The following TNFRSF10C variants were observed in gnomAD, a reference collection of about 807,000 sequenced individuals.
TNFRSF10C encodes the protein tumor necrosis factor receptor superfamily member 10C.
A neutral mutation model predicts 16.7 loss-of-function variants in TNFRSF10C; 17 were observed. That is an observed-to-expected ratio of 1.02 (90% CI 0.70 to 1.53). TNFRSF10C has a LOEUF of 1.53. TNFRSF10C is among the 40% of genes most tolerant of loss of function. The pLI, the probability that TNFRSF10C is intolerant of heterozygous loss-of-function variation, is 0.00. For synonymous variants in TNFRSF10C, 73 were observed against 119.7 expected, an observed-to-expected ratio of 0.61 and a Z score of 2.55; for missense variants, 237 against 329.7, an observed-to-expected ratio of 0.72 and a Z score of 2.18.
At chr8:23,106,486 A>G (rs1813779695) in intron 1 of TNFRSF10C, among the ~76,000 whole-genome samples, 1 of 147,370 alleles carries the variant, frequency 6.8e-6, no homozygotes, top group Non-Finnish European at 1.5e-5. Flanking sequence ...AGAGAGGTCC[A>G]CAGGAGACAA....
rs188420928 is a variant in TNFRSF10C, at chr8:23,106,665, T to C, written c.60+3484T>C. ...CTAACATGGTCTGCACAGTACCCTC[T>C]TGGCCTCGACTTCTCATCCTTAAAA... On this transcript the variant is annotated intron_variant, in intron 1 of 4. Coordinates refer to ENST00000356864, the MANE Select transcript of TNFRSF10C (RefSeq NM_003841.5). 1.1e-3 allele frequency among the ~76,000 whole-genome samples: 160 copies of C among 152,320 alleles called. 3 individuals are homozygous for C. In the South Asian group the frequency reaches 0.029, roughly 27 times the overall value.
At chr8:23,114,514 T>C in intron 2 of TNFRSF10C, 143 bp from the exon 3 acceptor site, 1 of 628,432 alleles carries the variant, frequency 1.6e-6, no homozygotes, top group South Asian at 1.9e-5. Flanking sequence ...TAATAGATGC[T>C]GAATGGATGA....
chr8:23,107,773 T>A (rs1813804832), intron 1 of TNFRSF10C, among the ~76,000 whole-genome samples: 1 of 152,222 alleles, frequency 6.6e-6, no homozygotes, highest in Non-Finnish European at 1.5e-5. Flanking sequence ...GTAAATCCAC[T>A]GAGCACTACA....
chr8:23,106,021 G>A (rs936924619), intron 1 of TNFRSF10C, among the ~76,000 whole-genome samples: 5 of 152,142 alleles, frequency 3.3e-5, no homozygotes, highest in East Asian at 1.9e-4. Context: ...CCTGTCCTTC[G>A]GCCTTGAGCT....
intron 1 of TNFRSF10C, among the ~76,000 whole-genome samples, chr8:23,107,922 G>A (rs1360281753): frequency 6.6e-6 from 1 of 152,206 alleles, no homozygotes; most frequent in African/African-American, 2.4e-5. Flanking sequence ...ACCATGCAGA[G>A]TGTAAGGCCA....
At chr8:23,106,188 G>A (rs535432431) in intron 1 of TNFRSF10C, among the ~76,000 whole-genome samples, 43 of 140,946 alleles carry the variant, frequency 3.1e-4, no homozygotes, top group Non-Finnish European at 5.6e-4. Flanking sequence ...CCTGGAGCCC[G>A]CAGTGTGGTG....
intron 1 of TNFRSF10C, among the ~76,000 whole-genome samples, chr8:23,108,937 C>G (rs562339066): frequency 9.3e-5 from 14 of 151,144 alleles, no homozygotes; most frequent in African/African-American, 3.4e-4. Flanking sequence ...ACAATATCCA[C>G]AGAGAATTCT....
chr8:23,106,400 A>G (rs1813776845), intron 1 of TNFRSF10C, among the ~76,000 whole-genome samples: 1 of 149,574 alleles, frequency 6.7e-6, no homozygotes, highest in African/African-American at 2.5e-5. Context: ...AGGGGAGCGA[A>G]GCTCTCCTTT....
chr8:23,116,061 G>T (rs905600788), intron 4 of TNFRSF10C, among the ~76,000 whole-genome samples: 3 of 152,024 alleles, frequency 2.0e-5, no homozygotes, highest in African/African-American at 7.3e-5. Context: ...AAGTGGTCAC[G>T]GCCGACAAAA....
intron 1 of TNFRSF10C, among the ~76,000 whole-genome samples, chr8:23,110,069 CAAAAAAA>C (rs56263402): frequency 5.8e-4 from 23 of 39,650 alleles, no homozygotes; most frequent in East Asian, 1.9e-3. Context: ...ACCCTGTCTC[CAAAAAAA>C]AAAAAAAAAA....
Position 23,103,194 on chromosome 8 carries a change from C to T in TNFRSF10C, c.60+13C>T, listed in dbSNP as rs773227509. 2.5e-6 allele frequency: 4 copies of T among 1,606,328 alleles called. No individual in the cohort carries two copies. Among genetic ancestry groups the T allele is most frequent in the East Asian group, 4.5e-5 (2 of 44,644 alleles). ...GGTCCTGCTGCCAGTGAGTCCCGGC[C>T]GCGGTCCCTGGCTGGGGAAGAGCGC... On this transcript the variant is annotated intron_variant, in intron 1 of 4. Transcript: ENST00000356864.
At chr8:23,110,059 AC>A (rs1210192450) in intron 1 of TNFRSF10C, among the ~76,000 whole-genome samples, 1 of 93,620 alleles carries the variant, frequency 1.1e-5, no homozygotes, top group Non-Finnish European at 1.9e-5. Context: ...ACAGAGGGAG[AC>A]CCTGTCTCCA....
Position 23,115,582 on chromosome 8 carries a change from GA to G in TNFRSF10C, c.359del (p.Asn120ThrfsTer49), listed in dbSNP as rs1284441309. The G allele has an allele frequency of 6.2e-7, 1 of 1,613,804 alleles. No homozygotes were observed. On this transcript the variant is annotated frameshift_variant, in exon 4 of 5. Coordinates refer to ENST00000356864, the MANE Select transcript of TNFRSF10C (RefSeq NM_003841.5). LOFTEE classifies it low-confidence loss of function (END_TRUNC). The stretch of plus-strand genomic sequence containing the variant: ...GTGTAAAGAAGGCACCTTCCGGAAT[GA>G]AAACTCCCCAGAGATGTGCCGGAAG... ...CQCKEGTFRN[E>X]NSPEMCRKCS...
Position 23,105,464 on chromosome 8 carries a change from G to A in TNFRSF10C, c.60+2283G>A, listed in dbSNP as rs116371039. On this transcript the variant is annotated intron_variant, in intron 1 of 4. Coordinates refer to ENST00000356864, the MANE Select transcript of TNFRSF10C (RefSeq NM_003841.5). Reference sequence around the variant, plus strand: ...TCTGAAGACTAGGGTGGAGCACCACGGGGAGGGGCCATGGAGGAACAGAGG... The same window carrying A: ...TCTGAAGACTAGGGTGGAGCACCACAGGGAGGGGCCATGGAGGAACAGAGG... Among the ~76,000 whole-genome samples, 529 of 152,330 alleles carry A rather than the reference G, an allele frequency of 3.5e-3. 3 individuals are homozygous for A. The highest frequency in any genetic ancestry group is 0.012 in the African/African-American group (488 of 41,568).
chr8:23,105,440 C>T (rs1813758265), intron 1 of TNFRSF10C, among the ~76,000 whole-genome samples: 2 of 152,198 alleles, frequency 1.3e-5, no homozygotes, highest in Non-Finnish European at 1.5e-5. Flanking sequence ...GCAGAAGCTT[C>T]TGAAGACTAG....
At chr8:23,111,169 T>C (rs957791511) in intron 1 of TNFRSF10C, among the ~76,000 whole-genome samples, 2 of 152,182 alleles carry the variant, frequency 1.3e-5, no homozygotes, top group African/African-American at 4.8e-5. Flanking sequence ...ATTTATGTTA[T>C]AATATGAGAA....
chr8:23,103,635 C>A (rs1211405592), intron 1 of TNFRSF10C: 1 of 189,794 alleles, frequency 5.3e-6, no homozygotes, highest in Non-Finnish European at 1.1e-5. Context: ...CTTTCACCTC[C>A]TCTGTCCTGA....
intron 2 of TNFRSF10C, among the ~76,000 whole-genome samples, chr8:23,112,229 C>G (rs1181030689): frequency 6.6e-6 from 1 of 152,162 alleles, no homozygotes; most frequent in African/African-American, 2.4e-5. Flanking sequence ...TTAGGTATTA[C>G]AAGTAATCTA....
At position 23,110,069 on chromosome 8, in the gene TNFRSF10C, C is replaced by CAAAAAAAAAAAAA. The variant is rs56263402; in HGVS notation, c.61-1637_61-1625dup. Among the ~76,000 whole-genome samples the CAAAAAAAAAAAAA allele has an allele frequency of 5.3e-4, 21 of 39,642 alleles. 2 individuals carry two copies. The highest frequency in any genetic ancestry group is 1.9e-3 in the African/African-American group (15 of 7,872). 26.0% of individuals were successfully genotyped at this position (39,642 alleles called of 152,430 possible). ...GGAGGACAGAGGGAGACCCTGTCTC[C>CAAAAAAAAAAAAA]AAAAAAAAAAAAAAAAAAAAAAAAA... is the stretch of plus-strand genomic sequence containing the variant. On this transcript the variant is annotated intron_variant, in intron 1 of 4. Transcript: ENST00000356864.
Sources: gnomAD v4.1 joint callset for allele counts (sites outside exome capture counted in the v4.1 genomes callset) on GRCh38, gnomAD v4.1.1 for gene constraint, MANE v1.5 for transcripts, NCBI Gene and HGNC (gene_info 2026-07-23, HGNC 2026-07-21) for gene names.